Variants in ELP1 observed in about 807,000 individuals in gnomAD.
The protein encoded by ELP1 is elongator acetyltransferase complex subunit 1, also known as elongator complex protein 1.
Under a neutral mutation model 183.2 loss-of-function variants are expected in ELP1, and 131 were observed. That is an observed-to-expected ratio of 0.72 (90% CI 0.62 to 0.83). The LOEUF (loss-of-function observed/expected upper bound fraction) is 0.83, where lower values mean the gene tolerates loss of function less well. Among genes scored for constraint, ELP1 ranks in the 40% least tolerant of loss-of-function variants. The pLI, the probability that ELP1 is intolerant of heterozygous loss-of-function variation, is 0.00. For missense variants in ELP1, 1,550 were observed against 1,594.9 expected (o/e 0.97, Z 0.48); for synonymous variants, 555 against 569.0 (o/e 0.98, Z 0.35).
At chr9:108,874,615 G>A (rs1454352601) in intron 36 of ELP1, among the ~76,000 whole-genome samples, 1 of 152,212 alleles carries the variant, frequency 6.6e-6, no homozygotes, top group Non-Finnish European at 1.5e-5. Context: ...AACTGGAACT[G>A]TGGTGTGCCT....
intron 8 of ELP1, 124 bp from the exon 9 acceptor site, chr9:108,917,794 T>C: frequency 9.1e-7 from 1 of 1,103,636 alleles, no homozygotes; most frequent in Non-Finnish European, 1.4e-6. Context: ...TGAATATCTT[T>C]ATCCAAGGAA....
At position 108,881,656 on chromosome 9, in the gene ELP1, T is replaced by A. The variant is rs1303240221; in HGVS notation, c.3346+49A>T. On this transcript the variant is annotated intron_variant, in intron 31 of 36. Coordinates refer to ENST00000374647, the MANE Select transcript of ELP1 (RefSeq NM_003640.5). ...AGGAGGAGACTCTCTCATCTCTCTC[T>A]CCTCACCTTCTTCCAAATGAGGAAT... 6.1e-6 allele frequency: 7 copies of A among 1,150,032 alleles called. No individual in the cohort carries two copies. The South Asian group carries it at 8.6e-5, about 14-fold the overall frequency. The allele number at this position is 1,150,032 out of a possible 1,614,324, so 71.2% of individuals were successfully genotyped here. A position where few individuals can be genotyped will look rare whatever the true frequency, so the allele number is the denominator to read the frequency against.
chr9:108,869,957 T>C (rs1218282827), intron 36 of ELP1, among the ~76,000 whole-genome samples: 1 of 152,176 alleles, frequency 6.6e-6, no homozygotes, highest in East Asian at 1.9e-4. Context: ...CCCTGCACAG[T>C]CAAAAATCTG....
intron 6 of ELP1, among the ~76,000 whole-genome samples, chr9:108,920,319 T>A (rs1162035726): frequency 6.6e-6 from 1 of 151,116 alleles, no homozygotes; most frequent in Non-Finnish European, 1.5e-5. Flanking sequence ...TCTTGCTTTA[T>A]GGCCCAGGCT....
chr9:108,870,534 A>G (rs564868321), intron 36 of ELP1, among the ~76,000 whole-genome samples: 1 of 152,242 alleles, frequency 6.6e-6, no homozygotes, highest in Admixed American at 6.5e-5. Context: ...GTAGAGGAGG[A>G]AGTGGAGGGG....
In ELP1 at chr9:108,882,138, T is replaced by G; in HGVS notation, c.3272A>C (p.Glu1091Ala). ...CAAGATTCTTACCAGCCTCAAAGCT[T>G]CTTCCCAGGCAGCTCCTTCTAACAG... ...LLLLEGAAWE[E>A]ALRLVYKYNR... The change falls in exon 30 of 37, where the codon GAA becomes GCA. Residue 1091 changes from glutamate to alanine, a missense_variant. Transcript: ENST00000374647. The G allele has an allele frequency of 6.2e-7, 1 of 1,613,642 alleles. No individual in the cohort carries two copies. The highest frequency in any genetic ancestry group is 8.5e-7 in the Non-Finnish European group (1 of 1,179,842).
chr9:108,892,846 T>C, intron 27 of ELP1, 140 bp downstream of exon 27: 2 of 710,018 alleles, frequency 2.8e-6, no homozygotes, highest in Non-Finnish European at 5.1e-6. Context: ...TTCTCCCAGA[T>C]AAGAAGTTCA....
intron 25 of ELP1, 48 bp downstream of exon 25, chr9:108,896,448 A>C: frequency 6.3e-7 from 1 of 1,581,158 alleles, no homozygotes; most frequent in Non-Finnish European, 8.7e-7. Context: ...TCACACTATC[A>C]TTATATAAAC....
intron 36 of ELP1, among the ~76,000 whole-genome samples, chr9:108,870,319 G>A (rs888530801): frequency 1.3e-5 from 2 of 152,060 alleles, no homozygotes; most frequent in Admixed American, 6.6e-5. Context: ...ACTGTTGTTC[G>A]GCAGTGTATT....
chr9:108,926,761 A>G (rs1829836966), intron 4 of ELP1, among the ~76,000 whole-genome samples, 158 bp from the exon 5 acceptor site: 1 of 152,194 alleles, frequency 6.6e-6, no homozygotes, highest in South Asian at 2.1e-4. Context: ...ACAATGACAA[A>G]AAACCCCAAA....
intron 14 of ELP1, 116 bp from the exon 15 acceptor site, chr9:108,903,785 A>G: frequency 1.4e-6 from 1 of 730,880 alleles, no homozygotes. Context: ...CTACTTCAAT[A>G]CAATGTAGAC....
Position 108,873,849 on chromosome 9 carries a change from C to T in ELP1, c.3931+1046G>A, listed in dbSNP as rs574742061. On this transcript the variant is annotated intron_variant, in intron 36 of 36. Coordinates refer to ENST00000374647, the MANE Select transcript of ELP1 (RefSeq NM_003640.5). ...CAGCCTGGGCAACATATTAAGACCC[C>T]ATCTGTTTTTTTTTCTAAATGAAAA... Among the ~76,000 whole-genome samples, 73 of 151,920 alleles carry T rather than the reference C, an allele frequency of 4.8e-4. 3 individuals are homozygous for T. Among genetic ancestry groups the T allele is most frequent in the African/African-American group, 1.7e-3 (70 of 41,414 alleles).
chr9:108,917,526 G>C, intron 9 of ELP1, 21 bp downstream of exon 9: 1 of 1,610,442 alleles, frequency 6.2e-7, no homozygotes, highest in Non-Finnish European at 8.5e-7. Context: ...ATTCGAGGGT[G>C]AAACAAACTC....
In ELP1 at chr9:108,891,234, G is replaced by A. The variant is rs772768117; in HGVS notation, c.3129C>T (p.Asp1043=). The change falls in exon 28 of 37, where the codon GAC becomes GAT. Residue 1043 remains aspartate (D), a synonymous_variant. Coordinates refer to ENST00000374647, the MANE Select transcript of ELP1 (RefSeq NM_003640.5). The part of the protein sequence containing the change: ...CVAAQLNFTK[D]QLVGLGRTLA... ...GAGTTCTGCCGAGGCCCACCAGCTG[G>A]TCTTTGGTAAAGTTAAGCTGGGCTG... The A allele has an allele frequency of 1.9e-5, 31 of 1,614,062 alleles. No homozygotes were observed. Among genetic ancestry groups the A allele is most frequent in the Admixed American group, 3.3e-5 (2 of 60,004 alleles).
chr9:108,897,237 A>G lies in ELP1; in HGVS notation c.2412T>C (p.Ser804=), dbSNP rs1289714356. The change falls in exon 23 of 37, where the codon AGT becomes AGC. Residue 804 remains serine, a synonymous_variant. Transcript: ENST00000374647. ...CGTCAGGATCCCTGGACAGGTAGAC[A>G]CTGCTGGTAACTGGTGCAGGGTACA... ...KTMYPAPVTS[S]VYLSRDPDGN... 6.2e-7 allele frequency: 1 copy of G among 1,614,052 alleles called. No homozygotes were observed. The highest frequency in any genetic ancestry group is 8.5e-7 in the Non-Finnish European group (1 of 1,180,018).
In ELP1 at chr9:108,880,149, CATA is replaced by C; in HGVS notation, c.3360_3362del (p.Tyr1120_Met1121delinsTer). On this transcript the variant is annotated stop_gained and inframe_deletion, in exon 32 of 37. Coordinates refer to ENST00000374647, the MANE Select transcript of ELP1 (RefSeq NM_003640.5). LOFTEE classifies it high-confidence loss of function. ...TGGCTGTCTGAGAGTCCAGAAATGC[CATA>C]TAATTTTTCTGGGCTGGAGATGCAG... 6.2e-7 allele frequency: 1 copy of C among 1,612,938 alleles called. No homozygotes were observed. Among genetic ancestry groups the C allele is most frequent in the Non-Finnish European group, 8.5e-7 (1 of 1,178,926 alleles).
chr9:108,895,250 G>A (rs1006371452), intron 25 of ELP1, among the ~76,000 whole-genome samples: 3 of 152,136 alleles, frequency 2.0e-5, no homozygotes, highest in South Asian at 2.1e-4. Context: ...AATAAATACC[G>A]CACTCTAGAT....
At chr9:108,893,816 A>C in intron 26 of ELP1, 127 bp downstream of exon 26, 1 of 1,014,886 alleles carries the variant, frequency 9.9e-7, no homozygotes, top group Non-Finnish European at 1.5e-6. Flanking sequence ...GAGCATACAT[A>C]ATTGTTAGAG....
At position 108,899,838 on chromosome 9, in the gene ELP1, G is replaced by A. The variant is rs375967301; in HGVS notation, c.2188C>T (p.Arg730Trp). Residue 730 changes from arginine (R) to tryptophan (W), a missense_variant, in exon 20 of 37, where the codon CGG becomes TGG. By Grantham distance (101) the Arg-to-Trp change is moderately radical (BLOSUM62 -3). Transcript: ENST00000374647. ...GGCACTTACTTGTCCAACCACTTCC[G>A]AATCTGAGCTAAAACCAGGGCTCGA... ...HHRALVLAQIRKWLDKLMFKE... is the reference protein window; with the variant it reads ...HHRALVLAQIWKWLDKLMFKE... 39 of 1,613,820 alleles carry A rather than the reference G, an allele frequency of 2.4e-5. No individual in the cohort carries two copies. The highest frequency in any genetic ancestry group is 1.6e-4 in the Middle Eastern group (1 of 6,084).
Sources: gnomAD v4.1 joint callset for allele counts (sites outside exome capture counted in the v4.1 genomes callset) on GRCh38, gnomAD v4.1.1 for gene constraint, MANE v1.5 for transcripts, NCBI Gene and HGNC (gene_info 2026-07-23, HGNC 2026-07-21) for gene names.